Variants in RP1 observed in about 807,000 individuals in gnomAD.
RP1 encodes the protein oxygen-regulated protein 1.
In RP1, 16 loss-of-function variants were observed where a neutral mutation model predicts 14.8. The ratio of observed to expected loss-of-function variants is 1.08; its 90% confidence interval spans 0.73 to 1.65. RP1 has a LOEUF of 1.65. RP1 is among the 40% of genes most tolerant of loss of function. The pLI, the probability that RP1 is intolerant of heterozygous loss-of-function variation, is 0.00. For synonymous variants in RP1, 876 were observed against 883.6 expected, an observed-to-expected ratio of 0.99 and a Z score of 0.15; for missense variants, 2,631 against 2,535.0, an observed-to-expected ratio of 1.04 and a Z score of -0.81.
intron 24 of RP1, among the ~76,000 whole-genome samples, chr8:54,836,760 T>C (rs1458182350): frequency 6.6e-6 from 1 of 152,182 alleles, no homozygotes; most frequent in African/African-American, 2.4e-5. Flanking sequence ...TTCTGACTCA[T>C]GGAATTGGAA....
intron 24 of RP1, among the ~76,000 whole-genome samples, chr8:54,827,860 T>C (rs1811421498): frequency 6.6e-6 from 1 of 151,944 alleles, no homozygotes; most frequent in East Asian, 1.9e-4. Flanking sequence ...ATCACACCAC[T>C]GCACTCCAGC....
intron 1 of RP1, among the ~76,000 whole-genome samples, chr8:54,559,683 A>G (rs927993974): frequency 1.3e-5 from 2 of 152,180 alleles, no homozygotes; most frequent in African/African-American, 4.8e-5. Flanking sequence ...AGGCCTGGGG[A>G]AACCCCTGGA....
chr8:54,665,833 A>C (rs530177640), intron 7 of RP1, among the ~76,000 whole-genome samples: 23 of 152,160 alleles, frequency 1.5e-4, no homozygotes, highest in Admixed American at 1.5e-3. Context: ...AAGATAATTA[A>C]AAATGTAACC....
In RP1 at chr8:54,726,475, A is replaced by C. The variant is rs1030041011; in HGVS notation, c.2520A>C (p.Ala840=). Residue 840 remains alanine, a splice_region_variant and synonymous_variant, in exon 17 of 23, where the codon GCA becomes GCC. Coordinates refer to the RP1 transcript ENST00000636932. Reference sequence around the variant, plus strand: ...GGAGTCCCTTACCTTCTTCAACTGCAAGTAAGCCACAGCTTTTGCTTTCAT... The same window carrying C: ...GGAGTCCCTTACCTTCTTCAACTGCCAGTAAGCCACAGCTTTTGCTTTCAT... The C allele has an allele frequency of 3.9e-6, 6 of 1,524,960 alleles. No individual in the cohort carries two copies. The African/African-American group carries it at 4.2e-5, about 11-fold the overall frequency. The allele number at this position is 1,524,960 out of a possible 1,614,324, so 94.5% of individuals were successfully genotyped here.
At chr8:54,755,847 G>T in intron 21 of RP1, 2 of 1,305,510 alleles carry the variant, frequency 1.5e-6, no homozygotes, top group Non-Finnish European at 2.0e-6. Flanking sequence ...AAATTTAAAA[G>T]GCGTTTGGCA....
rs906614337 is a variant in RP1 at position 54,671,614 on chromosome 8, A to G, written c.1324-2236A>G. 4.6e-5 allele frequency among the ~76,000 whole-genome samples: 7 copies of G among 152,214 alleles called. 1 individual carries two copies. The South Asian group carries it at 1.0e-3, about 23-fold the overall frequency. On this transcript the variant is annotated intron_variant, in intron 7 of 22. Coordinates refer to the RP1 transcript ENST00000636932. ...TTCTGCCTTATTAAATCTGAGGTTA[A>G]ACCCCATTAGTGAATTTTTCAATTC...
upstream of RP1, among the ~76,000 whole-genome samples, chr8:54,614,391 C>G (rs919100791): frequency 6.6e-6 from 1 of 152,116 alleles, no homozygotes; most frequent in Non-Finnish European, 1.5e-5. Context: ...CTTAGACTCA[C>G]TTATCAAAGG....
intron 24 of RP1, among the ~76,000 whole-genome samples, chr8:54,816,546 G>A (rs1446045771): frequency 6.6e-6 from 1 of 152,182 alleles, no homozygotes; most frequent in East Asian, 1.9e-4. Context: ...TGTGGCTTAG[G>A]ATGTAGCCCA....
Position 54,765,253 on chromosome 8 carries a change from C to T in RP1, c.3249-4488C>T, listed in dbSNP as rs372512112. On this transcript the variant is annotated intron_variant, in intron 22 of 22. Coordinates refer to the RP1 transcript ENST00000636932. ...TATTCCATGAAAATCAAACATGAGG[C>T]GCATGCTCTTAGGAGGTTGTAATCA... is the stretch of plus-strand genomic sequence containing the variant. Among the ~76,000 whole-genome samples the T allele has an allele frequency of 8.5e-5, 13 of 152,330 alleles. No homozygotes were observed. The South Asian group carries it at 2.3e-3, about 27-fold the overall frequency.
chr8:54,791,524 C>T (rs1184013000), intron 24 of RP1, among the ~76,000 whole-genome samples: 2 of 151,978 alleles, frequency 1.3e-5, no homozygotes, highest in Admixed American at 6.5e-5. Context: ...AAATAACTAA[C>T]AACAATAACT....
chr8:54,693,326 T>C (rs1438442979), intron 12 of RP1, among the ~76,000 whole-genome samples: 2 of 152,286 alleles, frequency 1.3e-5, no homozygotes, highest in East Asian at 3.9e-4. Flanking sequence ...CATATGAACT[T>C]GAAAGTAGTT....
intron 24 of RP1, among the ~76,000 whole-genome samples, chr8:54,798,864 A>G (rs1301629014): frequency 6.6e-6 from 1 of 152,098 alleles, no homozygotes; most frequent in Non-Finnish European, 1.5e-5. Context: ...TTTCATCTTC[A>G]TACATACACA....
rs375877155 is a variant in RP1, at chr8:54,670,671, T to TTATATATATATA, written c.1324-3154_1324-3143dup. ...ATATTTATGAATAATATATATGTTT[T>TTATATATATATA]TATATATATATATATATATATATAT... On this transcript the variant is annotated intron_variant, in intron 7 of 22. Coordinates refer to the RP1 transcript ENST00000636932. Among the ~76,000 whole-genome samples, 26 of 62,548 alleles carry TTATATATATATA rather than the reference T, an allele frequency of 4.2e-4. 1 individual carries two copies. Among genetic ancestry groups the TTATATATATATA allele is most frequent in the African/African-American group, 1.6e-3 (23 of 14,524 alleles). 41.0% of individuals were successfully genotyped at this position (62,548 alleles called of 152,430 possible).
intron 7 of RP1, among the ~76,000 whole-genome samples, chr8:54,668,968 G>A (rs1563342689): frequency 6.6e-6 from 1 of 152,084 alleles, no homozygotes; most frequent in South Asian, 2.1e-4. Context: ...ATAGGCATGG[G>A]CAAGGACTTC....
chr8:54,665,134 T>C (rs776997354), intron 7 of RP1, among the ~76,000 whole-genome samples: 58 of 152,218 alleles, frequency 3.8e-4, no homozygotes, highest in Admixed American at 6.6e-4. Flanking sequence ...TCTTGATGTC[T>C]GTACCTTTGT....
At chr8:54,631,286 A>T (rs1806241662), downstream of RP1, among the ~76,000 whole-genome samples, 1 of 152,188 alleles carries the variant, frequency 6.6e-6, no homozygotes, top group African/African-American at 2.4e-5. Flanking sequence ...ATGCTTTTTA[A>T]AAAAACATTA....
rs191757145 is a variant in RP1, at chr8:54,678,325, T to C, written c.1403-136T>C. Reference sequence around the variant, plus strand: ...AGTTTACTTCTGTTATATTTTGCTTTATTTGAAGTACTAAAGCTTTATATT... The same window carrying C: ...AGTTTACTTCTGTTATATTTTGCTTCATTTGAAGTACTAAAGCTTTATATT... On this transcript the variant is annotated intron_variant, in intron 8 of 22. Transcript: ENST00000636932. The C allele has an allele frequency of 6.1e-5, 37 of 607,122 alleles. No individual in the cohort carries two copies. In the East Asian group the frequency reaches 9.9e-4, roughly 16 times the overall value. 37.6% of individuals were successfully genotyped at this position (607,122 alleles called of 1,614,324 possible).
chr8:54,600,630 C>A (rs967905167), intron 1 of RP1, among the ~76,000 whole-genome samples: 1 of 152,016 alleles, frequency 6.6e-6, no homozygotes, highest in African/African-American at 2.4e-5. Context: ...AGAGGGATGC[C>A]TCATTATTGC....
At chr8:54,667,309 G>T (rs149332947) in intron 7 of RP1, among the ~76,000 whole-genome samples, 14 of 152,112 alleles carry the variant, frequency 9.2e-5, no homozygotes, top group Admixed American at 9.2e-4. Flanking sequence ...TGGAAGAGTG[G>T]ATCCTATGTC....
Sources: gnomAD v4.1 joint callset for allele counts (sites outside exome capture counted in the v4.1 genomes callset) on GRCh38, gnomAD v4.1.1 for gene constraint, MANE v1.5 for transcripts, NCBI Gene and HGNC (gene_info 2026-07-23, HGNC 2026-07-21) for gene names.